DPP10: variants seen among roughly 807,000 people sequenced by gnomAD.
The protein encoded by DPP10 is inactive dipeptidyl peptidase 10.
Under a neutral mutation model 120.9 loss-of-function variants are expected in DPP10, and 33 were observed. The ratio of observed to expected loss-of-function variants is 0.27; its 90% CI spans 0.21 to 0.37. The LOEUF (loss-of-function observed/expected upper bound fraction) is 0.37. Ranked by LOEUF, DPP10 falls within the 10% of genes least tolerant of loss-of-function variation. The pLI, the probability that DPP10 is intolerant of heterozygous loss-of-function variation, is 1.00. For missense variants in DPP10, 816 were observed against 942.8 expected, an observed-to-expected ratio of 0.87 and a Z score of 1.76; for synonymous variants, 337 against 326.1, an observed-to-expected ratio of 1.03 and a Z score of -0.36.
At chr2:114,616,703 A>C (rs1219235565) in intron 1 of DPP10, among the ~76,000 whole-genome samples, 1 of 152,142 alleles carries the variant, frequency 6.6e-6, no homozygotes, top group African/African-American at 2.4e-5. Flanking sequence ...GGAAGTGGTC[A>C]TCAATAAATG....
intron 1 of DPP10, among the ~76,000 whole-genome samples, chr2:114,618,195 C>A (rs1693817737): frequency 1.3e-5 from 2 of 152,046 alleles, no homozygotes; most frequent in Non-Finnish European, 2.9e-5. Flanking sequence ...GGATTAATTG[C>A]ACCACTTTTT....
intron 2 of DPP10, among the ~76,000 whole-genome samples, chr2:115,334,230 G>GGTTTTTTTTTTTTTTTTT (rs1553554643): frequency 5.3e-5 from 3 of 56,412 alleles, no homozygotes; most frequent in African/African-American, 1.5e-4. Context: ...AGCAGACTCT[G>GGTTTTTTTTTTTTTTTTT]TTTTTTTTTT....
At chr2:115,445,954 G>T (rs2072547440) in intron 3 of DPP10, among the ~76,000 whole-genome samples, 2 of 152,160 alleles carry the variant, frequency 1.3e-5, no homozygotes, top group South Asian at 4.1e-4. Context: ...TTGGTGTCCT[G>T]CGGCCCAGCT....
chr2:114,501,199 T>A (rs530707393), intron 1 of DPP10, among the ~76,000 whole-genome samples: 1 of 152,268 alleles, frequency 6.6e-6, no homozygotes, highest in South Asian at 2.1e-4. Flanking sequence ...CAGGCTACTA[T>A]CTTTACCTCC....
intron 3 of DPP10, among the ~76,000 whole-genome samples, chr2:115,446,360 C>T (rs540098258): frequency 1.6e-3 from 244 of 152,320 alleles, no homozygotes; most frequent in Non-Finnish European, 2.4e-3. Context: ...CACTGGGGCA[C>T]TTCCCAGTAG....
intron 1 of DPP10, among the ~76,000 whole-genome samples, chr2:114,691,497 G>A (rs182389269): frequency 3.1e-4 from 47 of 152,186 alleles, no homozygotes; most frequent in Non-Finnish European, 2.8e-4. Flanking sequence ...TTGCATCAGC[G>A]TTCATCAAGT....
At chr2:115,663,856 G>A (rs2089222774) in intron 5 of DPP10, among the ~76,000 whole-genome samples, 2 of 152,144 alleles carry the variant, frequency 1.3e-5, no homozygotes, top group Non-Finnish European at 2.9e-5. Context: ...TTAGCCGGGT[G>A]TGGTGGCGTG....
chr2:114,860,486 C>T (rs1689726557), intron 1 of DPP10, among the ~76,000 whole-genome samples: 1 of 152,058 alleles, frequency 6.6e-6, no homozygotes, highest in South Asian at 2.1e-4. Context: ...TTGTAATTTT[C>T]CATTTAAAAT....
chr2:114,805,071 A>T (rs1684604477), intron 1 of DPP10, among the ~76,000 whole-genome samples: 1 of 152,042 alleles, frequency 6.6e-6, no homozygotes, highest in South Asian at 2.1e-4. Context: ...ACGAGATCTG[A>T]TGGGTTTATC....
chr2:115,499,393 T>G (rs2076564418), intron 3 of DPP10, 117 bp from the exon 4 acceptor site: 2 of 761,882 alleles, frequency 2.6e-6, no homozygotes, highest in East Asian at 2.8e-5. Flanking sequence ...CTTGGGTTAT[T>G]GAAGGCTAAA....
chr2:114,888,722 A>G (rs766040164), intron 1 of DPP10, among the ~76,000 whole-genome samples: 2 of 152,210 alleles, frequency 1.3e-5, no homozygotes, highest in Non-Finnish European at 2.9e-5. Context: ...ACTGAGAGAC[A>G]GAAACTCACC....
At chr2:114,534,662 C>T (rs1686334930) in intron 1 of DPP10, among the ~76,000 whole-genome samples, 1 of 152,028 alleles carries the variant, frequency 6.6e-6, no homozygotes, top group Non-Finnish European at 1.5e-5. Context: ...CCCACACCCT[C>T]AACTGTGCTT....
At chr2:115,535,951 G>A (rs1359435158) in intron 5 of DPP10, among the ~76,000 whole-genome samples, 1 of 151,838 alleles carries the variant, frequency 6.6e-6, no homozygotes, top group Non-Finnish European at 1.5e-5. Flanking sequence ...TGTGATTTTT[G>A]CACATTGATT....
At chr2:114,986,085 G>A (rs552658473) in intron 1 of DPP10, among the ~76,000 whole-genome samples, 25 of 152,118 alleles carry the variant, frequency 1.6e-4, no homozygotes, top group Middle Eastern at 3.2e-3. Context: ...GTGTAACAAC[G>A]TTTGAAATAA....
chr2:115,137,659 T>C (rs1250678485), intron 1 of DPP10, among the ~76,000 whole-genome samples: 1 of 152,160 alleles, frequency 6.6e-6, no homozygotes, highest in African/African-American at 2.4e-5. Flanking sequence ...TGTCCATTCA[T>C]AACTGGCGGG....
chr2:115,603,566 T>TTTG (rs1446808755), intron 5 of DPP10, among the ~76,000 whole-genome samples: 2,595 of 100,742 alleles, frequency 0.026, 134 homozygotes, highest in African/African-American at 0.13. Context: ...TGTTGTTTTT[T>TTTG]TTTGTTTTTT....
intron 9 of DPP10, among the ~76,000 whole-genome samples, chr2:115,740,191 G>A (rs780159521): frequency 2.0e-5 from 3 of 151,932 alleles, no homozygotes; most frequent in South Asian, 2.1e-4. Flanking sequence ...AATTGGGGGT[G>A]TACTGAGGCC....
intron 4 of DPP10, among the ~76,000 whole-genome samples, chr2:115,507,572 A>G (rs762617890): frequency 9.2e-5 from 14 of 152,164 alleles, no homozygotes; most frequent in Non-Finnish European, 1.9e-4. Flanking sequence ...TTCAAACTAT[A>G]TAGATCTATT....
chr2:115,235,348 T>C (rs897808641), intron 1 of DPP10, among the ~76,000 whole-genome samples: 7 of 152,202 alleles, frequency 4.6e-5, no homozygotes, highest in African/African-American at 2.4e-5. Context: ...ATTTTCCATC[T>C]GAGTTACTGA....
Sources: allele counts gnomAD v4.1 joint callset (sites outside exome capture counted in the v4.1 genomes callset), GRCh38; gene constraint gnomAD v4.1.1; transcripts MANE v1.5; gene names NCBI Gene and HGNC (gene_info 2026-07-23, HGNC 2026-07-21).